CPNE4: variants seen among roughly 807,000 people sequenced by gnomAD.
CPNE4 encodes the protein copine 4, also known as copine-4.
CPNE4 carries 25 observed loss-of-function variants against 67.9 expected under a neutral mutation model. That is an observed-to-expected ratio of 0.37 (90% confidence interval 0.27 to 0.51). CPNE4 has a LOEUF of 0.51. CPNE4 is among the 20% of genes least tolerant of loss of function. CPNE4 has a pLI of 0.93. For missense variants in CPNE4, 464 were observed against 690.8 expected, an observed-to-expected ratio of 0.67 and a Z score of 3.68; for synonymous variants, 242 against 244.9, an observed-to-expected ratio of 0.99 and a Z score of 0.11.
At chr3:131,575,739 T>C (rs1022975153) in intron 9 of CPNE4, among the ~76,000 whole-genome samples, 1 of 152,130 alleles carries the variant, frequency 6.6e-6, no homozygotes, top group Admixed American at 6.6e-5. Context: ...ACCCTGTTTA[T>C]AGATGAGGAA....
At chr3:131,928,527 C>G (rs1474349661) in intron 1 of CPNE4, among the ~76,000 whole-genome samples, 1 of 152,138 alleles carries the variant, frequency 6.6e-6, no homozygotes, top group Non-Finnish European at 1.5e-5. Flanking sequence ...CTGTTACAAA[C>G]AGGAACCTGA....
intron 2 of CPNE4, among the ~76,000 whole-genome samples, chr3:131,890,421 A>AT (rs1221384236): frequency 2.4e-4 from 35 of 147,816 alleles, no homozygotes; most frequent in South Asian, 4.3e-4. Flanking sequence ...AGGCATTATT[A>AT]TTTTTTTTTT....
intron 7 of CPNE4, among the ~76,000 whole-genome samples, chr3:131,633,555 C>G (rs918793597): frequency 6.6e-6 from 1 of 151,882 alleles, no homozygotes; most frequent in African/African-American, 2.4e-5. Flanking sequence ...TTTTGAAAGT[C>G]TGCTGTCTAA....
intron 1 of CPNE4, among the ~76,000 whole-genome samples, chr3:131,997,961 G>A (rs1366331696): frequency 6.6e-6 from 1 of 152,082 alleles, no homozygotes; most frequent in African/African-American, 2.4e-5. Flanking sequence ...CCATTGAAGA[G>A]GGCAGAGCCC....
chr3:131,786,385 T>G (rs140820471), intron 2 of CPNE4, among the ~76,000 whole-genome samples: 1,700 of 152,264 alleles, frequency 0.011, 29 homozygotes, highest in African/African-American at 0.039. Flanking sequence ...TGAAACATAC[T>G]TCAGACAATA....
At chr3:131,851,557 C>T (rs769320544) in intron 2 of CPNE4, among the ~76,000 whole-genome samples, 3 of 151,956 alleles carry the variant, frequency 2.0e-5, no homozygotes, top group Non-Finnish European at 4.4e-5. Context: ...TTATACAGAC[C>T]GGTGTAACAA....
intron 11 of CPNE4, among the ~76,000 whole-genome samples, chr3:131,556,292 C>A (rs1405506745): frequency 6.6e-6 from 1 of 152,026 alleles, no homozygotes; most frequent in Non-Finnish European, 1.5e-5. Flanking sequence ...AAGAGAATTG[C>A]TTGAACCCTG....
chr3:132,005,312 TAC>T (rs2073560833), intron 1 of CPNE4, among the ~76,000 whole-genome samples: 1 of 41,448 alleles, frequency 2.4e-5, no homozygotes, highest in Non-Finnish European at 4.7e-5. Flanking sequence ...GTGCCATTTT[TAC>T]ATATATATAT....
At chr3:131,873,102 G>A (rs763372100) in intron 2 of CPNE4, among the ~76,000 whole-genome samples, 11 of 152,130 alleles carry the variant, frequency 7.2e-5, no homozygotes, top group Non-Finnish European at 1.5e-4. Flanking sequence ...TGAAAAGATA[G>A]CTCTTATCAC....
rs531559767 is a variant in CPNE4 at position 132,020,385 on chromosome 3, G to A, written c.-2+14182C>T. Among the ~76,000 whole-genome samples the A allele has an allele frequency of 6.1e-3, 931 of 152,270 alleles. 5 individuals are homozygous for A. The highest frequency in any genetic ancestry group is 9.5e-3 in the Non-Finnish European group (648 of 68,034). ...CTGCTCACACCTTAGCAGAGACAGC[G>A]TGCCTCCCTCTAAAATGTCTAAATT... On this transcript the variant is annotated intron_variant, in intron 1 of 15. Transcript: ENST00000429747.
At chr3:131,778,620 T>C (rs915016455) in intron 2 of CPNE4, among the ~76,000 whole-genome samples, 1 of 152,092 alleles carries the variant, frequency 6.6e-6, no homozygotes, top group Non-Finnish European at 1.5e-5. Flanking sequence ...TCAGAAACTT[T>C]GTTTCTTTTG....
intron 1 of CPNE4, among the ~76,000 whole-genome samples, chr3:132,013,025 C>G (rs1342238116): frequency 6.6e-6 from 1 of 152,088 alleles, no homozygotes; most frequent in Non-Finnish European, 1.5e-5. Context: ...GAGATCGAGA[C>G]CAGCCTGGCC....
At chr3:131,539,601 T>TGTAA (rs774265294) in intron 15 of CPNE4, among the ~76,000 whole-genome samples, 64 of 152,306 alleles carry the variant, frequency 4.2e-4, no homozygotes, top group Admixed American at 7.8e-4. Flanking sequence ...ACAAGCATTC[T>TGTAA]GTAAGTGTTT....
At chr3:131,862,866 A>G (rs1202025305) in intron 2 of CPNE4, among the ~76,000 whole-genome samples, 2 of 109,766 alleles carry the variant, frequency 1.8e-5, no homozygotes, top group Non-Finnish European at 3.8e-5. Flanking sequence ...CCATCCCCCC[A>G]CCCCACAACA....
intron 1 of CPNE4, among the ~76,000 whole-genome samples, chr3:131,955,166 T>C (rs2071909457): frequency 6.6e-6 from 1 of 151,802 alleles, no homozygotes; most frequent in South Asian, 2.1e-4. Flanking sequence ...CAAGGTAGAT[T>C]AGTAGCAGTG....
intron 7 of CPNE4, among the ~76,000 whole-genome samples, chr3:131,612,272 G>A (rs1033424451): frequency 6.6e-6 from 1 of 152,140 alleles, no homozygotes; most frequent in Non-Finnish European, 1.5e-5. Flanking sequence ...TACTCAGGAG[G>A]CTGAGGCAGG....
intron 1 of CPNE4, among the ~76,000 whole-genome samples, chr3:131,957,792 T>TA (rs1313889770): frequency 3.3e-5 from 5 of 152,242 alleles, no homozygotes; most frequent in Admixed American, 6.5e-5. Context: ...CAAACAATTC[T>TA]ACTGCATTTT....
intron 2 of CPNE4, among the ~76,000 whole-genome samples, chr3:131,898,689 T>G (rs1002973407): frequency 6.6e-6 from 1 of 152,052 alleles, no homozygotes; most frequent in Admixed American, 6.6e-5. Context: ...TTGAACATCA[T>G]GGAACCATCA....
At chr3:131,977,234 G>A (rs181839076) in intron 1 of CPNE4, among the ~76,000 whole-genome samples, 100 of 152,246 alleles carry the variant, frequency 6.6e-4, no homozygotes, top group Non-Finnish European at 1.2e-3. Context: ...GAGCTAAAGG[G>A]TAAAGGAGAC....
Sources: allele counts gnomAD v4.1 joint callset (sites outside exome capture counted in the v4.1 genomes callset), GRCh38; gene constraint gnomAD v4.1.1; transcripts MANE v1.5; gene names NCBI Gene and HGNC (gene_info 2026-07-23, HGNC 2026-07-21).